Variants in MSRA observed in about 807,000 individuals in gnomAD.
MSRA encodes methionine sulfoxide reductase A, also known as mitochondrial peptide methionine sulfoxide reductase.
A neutral mutation model predicts 31.3 loss-of-function variants in MSRA; 54 were observed. The observed-to-expected ratio is 1.73, with a 90% CI of 1.39 to 2.17. The LOEUF (loss-of-function observed/expected upper bound fraction) is 2.17. Ranked by LOEUF, MSRA falls within the 30% of genes most tolerant of loss-of-function variation. The pLI, the probability that MSRA is intolerant of heterozygous loss-of-function variation, is 0.00. For missense variants in MSRA, 507 were observed against 300.9 expected, an observed-to-expected ratio of 1.69 and a Z score of -5.07; for synonymous variants, 169 against 116.5, an observed-to-expected ratio of 1.45 and a Z score of -2.90.
At chr8:10,220,274 A>T (rs10097700) in intron 2 of MSRA, among the ~76,000 whole-genome samples, 6,343 of 152,302 alleles carry the variant, frequency 0.042, 233 homozygotes, top group African/African-American at 0.1. Context: ...TGACCTTGGG[A>T]GCAACAGTGG....
At chr8:10,366,685 G>C (rs1447430360) in intron 5 of MSRA, among the ~76,000 whole-genome samples, 1 of 152,162 alleles carries the variant, frequency 6.6e-6, no homozygotes, top group Non-Finnish European at 1.5e-5. Flanking sequence ...CACTGGCCAG[G>C]CTTCGTTGCT....
chr8:10,249,877 C>G (rs895037003), intron 3 of MSRA, among the ~76,000 whole-genome samples: 3 of 152,170 alleles, frequency 2.0e-5, no homozygotes, highest in Non-Finnish European at 4.4e-5. Flanking sequence ...AGAACGTGGA[C>G]TGGAATAGCC....
At chr8:10,227,107 C>T (rs2129070804) in intron 2 of MSRA, among the ~76,000 whole-genome samples, 1 of 152,256 alleles carries the variant, frequency 6.6e-6, no homozygotes, top group Non-Finnish European at 1.5e-5. Context: ...CACAGTGAGG[C>T]ACATTCTGAG....
intron 1 of MSRA, among the ~76,000 whole-genome samples, chr8:10,144,899 T>C (rs866041520): frequency 1.3e-5 from 2 of 152,208 alleles, no homozygotes; most frequent in Middle Eastern, 3.4e-3. Flanking sequence ...CCCATGATTA[T>C]TGCCATTTTT....
At chr8:10,273,706 T>C (rs1799165005) in intron 3 of MSRA, among the ~76,000 whole-genome samples, 1 of 152,220 alleles carries the variant, frequency 6.6e-6, no homozygotes, top group Non-Finnish European at 1.5e-5. Flanking sequence ...CCTTATGCTA[T>C]GTTTATGTTA....
chr8:10,224,719 C>T (rs182889175), intron 2 of MSRA, among the ~76,000 whole-genome samples: 533 of 152,294 alleles, frequency 3.5e-3, no homozygotes, highest in Non-Finnish European at 5.3e-3. Context: ...AGACACTCCT[C>T]GTGGTACAGC....
intron 5 of MSRA, among the ~76,000 whole-genome samples, chr8:10,343,019 TTACACACA>T (rs1803529598): frequency 9.2e-6 from 1 of 108,566 alleles, no homozygotes; most frequent in East Asian, 2.3e-4. Context: ...TGCATAAGCA[TTACACACA>T]CACACACACA....
In MSRA at chr8:10,410,216, C is replaced by T. The variant is rs537963685; in HGVS notation, c.544-17932C>T. ...ATGGAGTATGCATGTGTGGCGGGGA[C>T]GCTTGGCCAGGAGCCACCAACACTC... On this transcript the variant is annotated intron_variant, in intron 5 of 5. Coordinates refer to ENST00000317173, the MANE Select transcript of MSRA (RefSeq NM_012331.5). Among the ~76,000 whole-genome samples the T allele has an allele frequency of 1.4e-4, 22 of 152,212 alleles. No individual in the cohort carries two copies. In the South Asian group the frequency reaches 2.3e-3, roughly 16 times the overall value.
At chr8:10,411,715 TAAAA>T (rs949029617) in intron 5 of MSRA, 1 of 152,116 alleles carries the variant, frequency 6.6e-6, no homozygotes, top group Admixed American at 6.5e-5. Context: ...AATCAGTGAA[TAAAA>T]AAAATAAAGT....
chr8:10,113,456 G>T (rs1279567747), intron 1 of MSRA, among the ~76,000 whole-genome samples: 2 of 151,646 alleles, frequency 1.3e-5, no homozygotes, highest in Admixed American at 6.6e-5. Flanking sequence ...ACCTGTAATG[G>T]GAGGGTAGGA....
At chr8:10,132,983 A>G (rs1181693502) in intron 1 of MSRA, among the ~76,000 whole-genome samples, 2 of 152,162 alleles carry the variant, frequency 1.3e-5, no homozygotes, top group Non-Finnish European at 2.9e-5. Context: ...CACTTGTAAT[A>G]AGCACCATAT....
intron 5 of MSRA, among the ~76,000 whole-genome samples, chr8:10,352,473 G>A (rs1160655537): frequency 1.3e-5 from 2 of 152,110 alleles, no homozygotes; most frequent in Non-Finnish European, 2.9e-5. Context: ...TGAAGCCATC[G>A]TCCCTGTGCA....
intron 1 of MSRA, among the ~76,000 whole-genome samples, chr8:10,078,070 A>T (rs1798084064): frequency 6.6e-6 from 1 of 152,218 alleles, no homozygotes; most frequent in African/African-American, 2.4e-5. Flanking sequence ...CAAAAAATAA[A>T]AGTTTAATTT....
intron 5 of MSRA, among the ~76,000 whole-genome samples, chr8:10,383,041 C>T (rs1207598457): frequency 6.6e-6 from 1 of 152,202 alleles, no homozygotes; most frequent in African/African-American, 2.4e-5. Context: ...CCCTAAAGAT[C>T]GGAAACAGGC....
chr8:10,214,508 A>G (rs932098063), intron 2 of MSRA, among the ~76,000 whole-genome samples: 4 of 152,206 alleles, frequency 2.6e-5, no homozygotes, highest in African/African-American at 9.7e-5. Flanking sequence ...CATATCCAGC[A>G]TGATGTTGGT....
intron 1 of MSRA, among the ~76,000 whole-genome samples, chr8:10,202,321 G>T (rs931060217): frequency 6.6e-6 from 1 of 152,190 alleles, no homozygotes; most frequent in Non-Finnish European, 1.5e-5. Flanking sequence ...TTTCTTGGTT[G>T]TAAAGAACTT....
chr8:10,190,469 G>T (rs1040495925), intron 1 of MSRA, among the ~76,000 whole-genome samples: 1 of 152,206 alleles, frequency 6.6e-6, no homozygotes, highest in Non-Finnish European at 1.5e-5. Flanking sequence ...TCCAGAGGGT[G>T]ATGTTGCCTG....
rs17151929 is a variant in MSRA, at chr8:10,412,470, C to T, written c.544-15678C>T. Among the ~76,000 whole-genome samples the T allele has an allele frequency of 4.6e-3, 700 of 152,252 alleles. 8 individuals carry two copies. Among genetic ancestry groups the T allele is most frequent in the African/African-American group, 0.016 (677 of 41,524 alleles). Reference sequence around the variant, plus strand: ...AGATATTACATGTGATATAAACTATCGAACATGATGTTCCAGGTATAGAAC... The same window carrying T: ...AGATATTACATGTGATATAAACTATTGAACATGATGTTCCAGGTATAGAAC... On this transcript the variant is annotated intron_variant, in intron 5 of 5. Transcript: ENST00000317173.
At chr8:10,191,057 T>G (rs951888886) in intron 1 of MSRA, among the ~76,000 whole-genome samples, 5 of 152,220 alleles carry the variant, frequency 3.3e-5, no homozygotes, top group Non-Finnish European at 5.9e-5. Context: ...GTCCCATTCT[T>G]CTGCTGCTTA....
Sources: allele counts gnomAD v4.1 joint callset (sites outside exome capture counted in the v4.1 genomes callset), GRCh38; gene constraint gnomAD v4.1.1; transcripts MANE v1.5; gene names NCBI Gene and HGNC (gene_info 2026-07-23, HGNC 2026-07-21).